SPRY4: variants seen among roughly 807,000 people sequenced by gnomAD.
SPRY4 encodes sprouty RTK signaling antagonist 4.
In SPRY4, 7 loss-of-function variants were observed where a neutral mutation model predicts 17.0. That is an observed-to-expected ratio of 0.41 (90% CI 0.23 to 0.77). SPRY4 has a LOEUF of 0.77. Ranked by LOEUF, SPRY4 falls within the 30% of genes least tolerant of loss-of-function variation. The pLI, the probability that SPRY4 is intolerant of heterozygous loss-of-function variation, is 0.32. For synonymous variants in SPRY4, 183 were observed against 174.1 expected, an observed-to-expected ratio of 1.05 and a Z score of -0.40; for missense variants, 435 against 419.9, an observed-to-expected ratio of 1.04 and a Z score of -0.31.
intron 1 of SPRY4, chr5:142,316,971 T>C: frequency 1.0e-6 from 1 of 983,814 alleles, no homozygotes; most frequent in Non-Finnish European, 1.2e-6. Flanking sequence ...GGAGAAAGCC[T>C]ACCTAGTGGC....
intron 1 of SPRY4, among the ~76,000 whole-genome samples, chr5:142,320,817 GAT>G: frequency 6.6e-6 from 1 of 152,212 alleles, no homozygotes; most frequent in East Asian, 1.9e-4. Context: ...TACAATAATA[GAT>G]TTTAGCTTAC....
Position 142,314,888 on chromosome 5 carries a change from A to T in SPRY4, c.221T>A (p.Leu74Gln). The T allele has an allele frequency of 6.2e-7, 1 of 1,603,012 alleles. No individual in the cohort carries two copies. The highest frequency in any genetic ancestry group is 8.5e-7 in the Non-Finnish European group (1 of 1,172,532). ...PKRTRGGAPE[L>Q]APTPARCDQD... ...GTCACAGCGGGCGGGCGTCGGGGCC[A>T]GCTCTGGGGCCCCGCCCCGGGTCCG... The change falls in exon 2 of 2, where the codon CTG (leucine) becomes CAG (glutamine). Residue 74 changes from leucine to glutamine, a missense_variant. Physicochemically the swap from Leu to Gln is moderately radical, Grantham distance 113. Coordinates refer to ENST00000434127, the MANE Select transcript of SPRY4 (RefSeq NM_001127496.3). This position sits in a 1 kb window ranked among gnomAD's most constrained non-coding sequence, Gnocchi z 4.8.
chr5:142,314,703 C>T lies in SPRY4; in HGVS notation c.406G>A (p.Val136Ile), dbSNP rs766388202. The change falls in exon 2 of 2, where the codon GTC (valine) becomes ATC (isoleucine). Residue 136 changes from valine to isoleucine, a missense_variant. Val to Ile is a conservative substitution (Grantham distance 29). Transcript: ENST00000434127. This position sits in a 1 kb window ranked among gnomAD's most constrained non-coding sequence, Gnocchi z 4.8. Reference sequence around the variant, plus strand: ...TTGAGGTCCAGCGGCTGGCAGTGGACCACCTTGGGCTGGATGCGCACAGCC... The same window carrying T: ...TTGAGGTCCAGCGGCTGGCAGTGGATCACCTTGGGCTGGATGCGCACAGCC... ...PRAVRIQPKV[V>I]HCQPLDLKGP... 6 of 1,613,748 alleles carry T rather than the reference C, an allele frequency of 3.7e-6. No homozygotes were observed. In the East Asian group the frequency reaches 1.3e-4, roughly 36 times the overall value.
In SPRY4 at chr5:142,314,472, C is replaced by T. The variant is rs1250635109; in HGVS notation, c.637G>A (p.Glu213Lys). 5 of 1,614,082 alleles carry T rather than the reference C, an allele frequency of 3.1e-6. No homozygotes were observed. Among genetic ancestry groups the T allele is most frequent in the Admixed American group, 3.3e-5 (2 of 60,002 alleles). Reference protein sequence around the residue: ...VQGIFYHCTNEDDEGSCADHP... With the variant: ...VQGIFYHCTNKDDEGSCADHP... The stretch of plus-strand genomic sequence containing the variant: ...TCAGCGCAGGAGCCCTCATCGTCCT[C>T]ATTCGTGCAGTGGTAGAAGATGCCC... Residue 213 changes from glutamate (E) to lysine (K), a missense_variant, in exon 2 of 2, where the codon GAG (glutamate) becomes AAG (lysine). By Grantham distance (56) the Glu-to-Lys change is moderately conservative. Transcript: ENST00000434127. This position sits in a 1 kb window ranked among gnomAD's most constrained non-coding sequence, Gnocchi z 4.8.
At chr5:142,323,460 C>T (rs1759419715) in intron 1 of SPRY4, among the ~76,000 whole-genome samples, 1 of 152,196 alleles carries the variant, frequency 6.6e-6, no homozygotes. Flanking sequence ...CTGGGGGGTA[C>T]GGAAGCCTTG....
At position 142,311,072 on chromosome 5, in the gene SPRY4, G is replaced by A. The variant is rs145679094; in HGVS notation, c.*3137C>T. ...ACTCGAGGTATGATGGCGACTGACA[G>A]GCTCCACAAGGCTGAAAAGAACTAG... On this transcript the variant is annotated 3_prime_UTR_variant, in exon 2 of 2. Coordinates refer to ENST00000434127, the MANE Select transcript of SPRY4 (RefSeq NM_001127496.3). The A allele has an allele frequency of 4.6e-5, 7 of 152,332 alleles. No individual in the cohort carries two copies. Among genetic ancestry groups the A allele is most frequent in the Non-Finnish European group, 8.8e-5 (6 of 68,048 alleles). 9.4% of individuals were successfully genotyped at this position (152,332 alleles called of 1,614,324 possible). A position where few individuals can be genotyped will look rare whatever the true frequency, so the allele number is the denominator to read the frequency against.
intron 1 of SPRY4, among the ~76,000 whole-genome samples, chr5:142,320,375 C>A (rs1020529620): frequency 6.6e-6 from 1 of 151,982 alleles, no homozygotes; most frequent in African/African-American, 2.4e-5. Flanking sequence ...TCACCTCTGG[C>A]CACAATCTGT....
chr5:142,322,481 A>ATAT (rs1554100318), intron 1 of SPRY4, among the ~76,000 whole-genome samples: 2 of 115,856 alleles, frequency 1.7e-5, no homozygotes, highest in African/African-American at 5.4e-5. Context: ...AGAAAAAAAA[A>ATAT]AAATATATAT....
chr5:142,313,981 CAA>C lies in SPRY4; in HGVS notation c.*226_*227del. On this transcript the variant is annotated 3_prime_UTR_variant, in exon 2 of 2. Coordinates refer to ENST00000434127, the MANE Select transcript of SPRY4 (RefSeq NM_001127496.3). ...CTGCCCCTGCATTGTCTGTTTGACA[CAA>C]AGTTTCAGGACCCTGAAAAAAAGCC... is the stretch of plus-strand genomic sequence containing the variant. 1.8e-6 allele frequency: 1 copy of C among 566,400 alleles called. No homozygotes were observed. Among genetic ancestry groups the C allele is most frequent in the South Asian group, 2.6e-5 (1 of 38,726 alleles). The allele number at this position is 566,400 out of a possible 1,614,324, so 35.1% of individuals were successfully genotyped here.
chr5:142,323,643 TTC>T (rs1199853008), intron 1 of SPRY4, among the ~76,000 whole-genome samples: 1 of 152,192 alleles, frequency 6.6e-6, no homozygotes, highest in East Asian at 1.9e-4. Flanking sequence ...CGCAACCATT[TTC>T]TGTCTCCCCT....
Position 142,314,106 on chromosome 5 carries a change from G to C in SPRY4, c.*103C>G, listed in dbSNP as rs2126985803. 1 of 1,272,988 alleles carries C rather than the reference G, an allele frequency of 7.9e-7. No homozygotes were observed. Among genetic ancestry groups the C allele is most frequent in the East Asian group, 2.5e-5 (1 of 39,702 alleles). The allele number at this position is 1,272,988 out of a possible 1,614,324, so 78.9% of individuals were successfully genotyped here. On this transcript the variant is annotated 3_prime_UTR_variant, in exon 2 of 2. Coordinates refer to ENST00000434127, the MANE Select transcript of SPRY4 (RefSeq NM_001127496.3). The surrounding 1 kb of genome is among the most constrained non-coding windows in gnomAD (Gnocchi z 4.8). ...GGTAGGGAGTGGGCAGACTAGCAAG[G>C]TCAGCCTCAGGAGGCTAAAACCTCT...
intron 1 of SPRY4, chr5:142,318,104 C>T (rs190419881): frequency 3.0e-6 from 3 of 984,210 alleles, no homozygotes; most frequent in Non-Finnish European, 3.6e-6. Context: ...ATGTGGCTGA[C>T]AAAGGAAAAC....
rs1202150862 is a variant in SPRY4 at position 142,312,474 on chromosome 5, G to GA, written c.*1734dup. The GA allele has an allele frequency of 6.6e-6, 1 of 152,100 alleles. No individual in the cohort carries two copies. Among genetic ancestry groups the GA allele is most frequent in the African/African-American group, 2.4e-5 (1 of 41,404 alleles). 9.4% of individuals were successfully genotyped at this position (152,100 alleles called of 1,614,324 possible). On this transcript the variant is annotated 3_prime_UTR_variant, in exon 2 of 2. Transcript: ENST00000434127. ...GATGTTACTACTAGTCTTCAAGAAG[G>GA]AAAAAATAAGTCCTTGAGAAGCATT...
At position 142,311,918 on chromosome 5, in the gene SPRY4, A is replaced by G; in HGVS notation, c.*2291T>C. ...GGAAATAGGGTCTTTGTCGGTAGACAGTCAGTGTGGGGTAGGGGTGTGTGT... is the reference window on the plus strand; with the variant it reads ...GGAAATAGGGTCTTTGTCGGTAGACGGTCAGTGTGGGGTAGGGGTGTGTGT... On this transcript the variant is annotated 3_prime_UTR_variant, in exon 2 of 2. Coordinates refer to ENST00000434127, the MANE Select transcript of SPRY4 (RefSeq NM_001127496.3). 1 of 114,602 alleles carries G rather than the reference A, an allele frequency of 8.7e-6. No individual in the cohort carries two copies. The highest frequency in any genetic ancestry group is 2.0e-5 in the Non-Finnish European group (1 of 50,984). The allele number at this position is 114,602 out of a possible 1,614,324, so 7.1% of individuals were successfully genotyped here. A position where few individuals can be genotyped will look rare whatever the true frequency, so the allele number is the denominator to read the frequency against.
intron 1 of SPRY4, among the ~76,000 whole-genome samples, chr5:142,320,761 T>C (rs1448080033): frequency 6.6e-6 from 1 of 151,916 alleles, no homozygotes; most frequent in African/African-American, 2.4e-5. Context: ...CCACAGACAC[T>C]AAGATCTTAT....
In SPRY4 at chr5:142,314,897, G is replaced by A; in HGVS notation, c.212C>T (p.Ala71Val). 1 of 1,606,768 alleles carries A rather than the reference G, an allele frequency of 6.2e-7. No homozygotes were observed. Among genetic ancestry groups the A allele is most frequent in the South Asian group, 1.1e-5 (1 of 90,616 alleles). The change falls in exon 2 of 2, where the codon GCC becomes GTC. Residue 71 changes from alanine (A) to valine (V), a missense_variant. By Grantham distance (64) the Ala-to-Val change is moderately conservative (BLOSUM62 0). Transcript: ENST00000434127. The surrounding 1 kb of genome is among the most constrained non-coding windows in gnomAD (Gnocchi z 4.8). ...TTGPKRTRGGAPELAPTPARC... is the reference protein window; with the variant it reads ...TTGPKRTRGGVPELAPTPARC... ...GGCGGGCGTCGGGGCCAGCTCTGGGGCCCCGCCCCGGGTCCGCTTTGGGCC... is the reference window on the plus strand; with the variant it reads ...GGCGGGCGTCGGGGCCAGCTCTGGGACCCCGCCCCGGGTCCGCTTTGGGCC...
rs1329015575 is a variant in SPRY4 at position 142,324,868 on chromosome 5, C to T, written c.-72G>A. 1.3e-5 allele frequency: 2 copies of T among 152,788 alleles called. No individual in the cohort carries two copies. The highest frequency in any genetic ancestry group is 2.4e-5 in the African/African-American group (1 of 41,476). The allele number at this position is 152,788 out of a possible 1,614,324, so 9.5% of individuals were successfully genotyped here. A position where few individuals can be genotyped will look rare whatever the true frequency, so the allele number is the denominator to read the frequency against. ...CTTTGAGGAGCTGCAGGGTCACAAG[C>T]ATCGCCCCACGTCTGTGTAAATCCT... On this transcript the variant is annotated 5_prime_UTR_variant, in exon 1 of 2. The change abolishes an upstream ATG in the 5' untranslated region. Transcript: ENST00000434127.
At chr5:142,318,354 C>A (rs1487500170) in intron 1 of SPRY4, among the ~76,000 whole-genome samples, 2 of 151,840 alleles carry the variant, frequency 1.3e-5, no homozygotes, top group South Asian at 2.1e-4. Context: ...GGCATGGTGG[C>A]AGGTGCCTGT....
At chr5:142,315,903 A>G (rs899356136) in intron 1 of SPRY4, 7 of 152,242 alleles carry the variant, frequency 4.6e-5, no homozygotes, top group African/African-American at 1.7e-4. Context: ...CTCAACAGAC[A>G]GCTCTGGGTG....
Sources: gnomAD v4.1 joint callset for allele counts (sites outside exome capture counted in the v4.1 genomes callset) on GRCh38, gnomAD v4.1.1 for gene constraint, Gnocchi (gnomAD v3.1) non-coding constraint, MANE v1.5 for transcripts, NCBI Gene and HGNC (gene_info 2026-07-23, HGNC 2026-07-21) for gene names.